Variants in HSD17B4 observed in about 807,000 individuals in gnomAD.
HSD17B4 encodes hydroxysteroid 17-beta dehydrogenase 4, also known as peroxisomal multifunctional enzyme type 2.
A neutral mutation model predicts 101.0 loss-of-function variants in HSD17B4; 70 were observed. The ratio of observed to expected loss-of-function variants is 0.69; its 90% confidence interval spans 0.57 to 0.85. The LOEUF (loss-of-function observed/expected upper bound fraction) is 0.85. Among genes scored for constraint, HSD17B4 ranks in the 40% least tolerant of loss-of-function variants. The pLI is 0.00. For synonymous variants in HSD17B4, 347 were observed against 297.1 expected (o/e 1.17, Z -1.73); for missense variants, 984 against 892.4 (o/e 1.10, Z -1.31).
chr5:119,461,807 C>G (rs1755268345), intron 2 of HSD17B4, among the ~76,000 whole-genome samples: 3 of 151,678 alleles, frequency 2.0e-5, no homozygotes. Flanking sequence ...ATGGTTTGAG[C>G]CTGGGAGTTT....
intron 4 of HSD17B4, 144 bp from the exon 5 acceptor site, chr5:119,475,562 C>A: frequency 1.5e-6 from 1 of 665,358 alleles, no homozygotes; most frequent in South Asian, 1.8e-5. Flanking sequence ...TAGGTATAGA[C>A]TTTTGTTTTG....
rs772861353 is a variant in HSD17B4, at chr5:119,467,486, A to G, written c.113-6422A>G. 2.6e-5 allele frequency among the ~76,000 whole-genome samples: 4 copies of G among 152,230 alleles called. No individual in the cohort carries two copies. The East Asian group carries it at 5.8e-4, about 22-fold the overall frequency. Reference sequence around the variant, plus strand: ...CTGGGTGTTCCAGTGTTGGGTGCATATATATTTACAACTGTTATGTCCTCT... The same window carrying G: ...CTGGGTGTTCCAGTGTTGGGTGCATGTATATTTACAACTGTTATGTCCTCT... On this transcript the variant is annotated intron_variant, in intron 2 of 23. Coordinates refer to ENST00000510025, the MANE Select transcript of HSD17B4 (RefSeq NM_000414.4).
chr5:119,472,767 C>T (rs1266688289), intron 2 of HSD17B4, among the ~76,000 whole-genome samples: 2 of 152,160 alleles, frequency 1.3e-5, no homozygotes, highest in East Asian at 1.9e-4. Flanking sequence ...CATTGGTTAT[C>T]AACTCTCCAT....
At chr5:119,487,968 A>T (rs889374132) in intron 8 of HSD17B4, among the ~76,000 whole-genome samples, 9 of 152,154 alleles carry the variant, frequency 5.9e-5, no homozygotes, top group African/African-American at 1.9e-4. Context: ...GAGCTTTTAG[A>T]GGCTATAAAG....
intron 22 of HSD17B4, among the ~76,000 whole-genome samples, chr5:119,535,592 T>G (rs554048588): frequency 6.6e-6 from 1 of 151,158 alleles, no homozygotes; most frequent in African/African-American, 2.4e-5. Context: ...AAAAGTAATA[T>G]GCTCTTGGTG....
intron 2 of HSD17B4, among the ~76,000 whole-genome samples, chr5:119,472,065 T>A (rs1195474123): frequency 6.6e-6 from 1 of 152,226 alleles, no homozygotes. Context: ...GTTAAACATA[T>A]GAACATGGAG....
intron 2 of HSD17B4, among the ~76,000 whole-genome samples, chr5:119,459,011 G>GAAC (rs1754950941): frequency 6.6e-6 from 1 of 152,204 alleles, no homozygotes; most frequent in African/African-American, 2.4e-5. Flanking sequence ...CTCTTGAACT[G>GAAC]AAGTAACACC....
chr5:119,491,461 CT>C (rs11308278), intron 9 of HSD17B4, among the ~76,000 whole-genome samples: 79,746 of 131,370 alleles, frequency 0.61, 23,513 homozygotes, highest in East Asian at 0.89. Flanking sequence ...ACTCATCAGA[CT>C]TTTTTTTTTT....
chr5:119,463,141 A>G (rs527813238), intron 2 of HSD17B4, among the ~76,000 whole-genome samples: 2 of 152,328 alleles, frequency 1.3e-5, no homozygotes, highest in South Asian at 2.1e-4. Flanking sequence ...TTTACTTAAC[A>G]TAATTTCCTC....
intron 18 of HSD17B4, 51 bp downstream of exon 18, chr5:119,525,336 T>A: frequency 9.1e-7 from 1 of 1,098,444 alleles, no homozygotes; most frequent in Non-Finnish European, 1.4e-6. Context: ...ATTCGATATT[T>A]AATTAAATAA....
Position 119,542,023 on chromosome 5 carries a change from G to A in HSD17B4, c.*29G>A. On this transcript the variant is annotated 3_prime_UTR_variant, in exon 24 of 24. Coordinates refer to ENST00000510025, the MANE Select transcript of HSD17B4 (RefSeq NM_000414.4). ...GCACACTACACTATTAATAAAAATG[G>A]AATCATTAAATACTCTCTTCACCCA... is the stretch of plus-strand genomic sequence containing the variant. 6.9e-7 allele frequency: 1 copy of A among 1,443,270 alleles called. No homozygotes were observed. Among genetic ancestry groups the A allele is most frequent in the Non-Finnish European group, 9.7e-7 (1 of 1,025,962 alleles). The allele number at this position is 1,443,270 out of a possible 1,614,324, so 89.4% of individuals were successfully genotyped here.
At chr5:119,512,609 C>G (rs768435591) in intron 16 of HSD17B4, among the ~76,000 whole-genome samples, 41 of 150,884 alleles carry the variant, frequency 2.7e-4, no homozygotes, top group Admixed American at 4.6e-4. Flanking sequence ...TTATAACCAG[C>G]AAAATGAGCT....
chr5:119,531,188 T>G, intron 21 of HSD17B4, 78 bp from the exon 22 acceptor site: 2 of 1,448,042 alleles, frequency 1.4e-6, no homozygotes, highest in East Asian at 2.3e-5. Context: ...ATCTTTTTTT[T>G]GCACATGTTT....
chr5:119,520,324 G>A (rs1158047455), intron 17 of HSD17B4, among the ~76,000 whole-genome samples: 1 of 151,840 alleles, frequency 6.6e-6, no homozygotes, highest in East Asian at 1.9e-4. Context: ...TGTTGGCTGG[G>A]GTGCTTCGAA....
At chr5:119,456,729 G>A in intron 2 of HSD17B4, 1 of 256,622 alleles carries the variant, frequency 3.9e-6, no homozygotes, top group Non-Finnish European at 7.6e-6. Flanking sequence ...TCTGGGTGAT[G>A]GCGCAAAAAA....
Position 119,506,866 on chromosome 5 carries a change from C to G in HSD17B4, c.1310C>G (p.Ser437Cys), listed in dbSNP as rs564688224. ...AVVADVLDKG[S>C]GVVIIMDVYS... ...GTTGCTGATGTCCTAGATAAAGGAT[C>G]CGGTGTAGTGATTATTATGGATGGT... The change falls in exon 15 of 24, where the codon TCC (serine) becomes TGC (cysteine). Residue 437 changes from serine (S) to cysteine (C), a missense_variant. Ser to Cys is a moderately radical substitution (Grantham distance 112, BLOSUM62 -1). Transcript: ENST00000510025. 1.1e-5 allele frequency: 17 copies of G among 1,569,884 alleles called. No homozygotes were observed. In the South Asian group the frequency reaches 1.7e-4, roughly 15 times the overall value.
At chr5:119,463,977 A>G (rs907503676) in intron 2 of HSD17B4, among the ~76,000 whole-genome samples, 2 of 151,970 alleles carry the variant, frequency 1.3e-5, no homozygotes, top group Admixed American at 6.6e-5. Context: ...GGCCATTGAG[A>G]AATGCCTATT....
At chr5:119,515,153 T>C (rs1752504956) in intron 17 of HSD17B4, 107 bp downstream of exon 17, 1 of 738,490 alleles carries the variant, frequency 1.4e-6, no homozygotes, top group Non-Finnish European at 2.5e-6. Flanking sequence ...TAATGAATAA[T>C]ATGTTATTAT....
At chr5:119,453,882 C>G (rs891978923) in intron 1 of HSD17B4, among the ~76,000 whole-genome samples, 2 of 152,112 alleles carry the variant, frequency 1.3e-5, no homozygotes, top group African/African-American at 4.8e-5. Context: ...TGTTTTAAAT[C>G]TTTTTTGACA....
Sources: gnomAD v4.1 joint callset for allele counts (sites outside exome capture counted in the v4.1 genomes callset) on GRCh38, gnomAD v4.1.1 for gene constraint, MANE v1.5 for transcripts, NCBI Gene and HGNC (gene_info 2026-07-23, HGNC 2026-07-21) for gene names.